Variants in MYOF observed in about 807,000 individuals in gnomAD.
MYOF encodes fer-1-like 3, myoferlin.
MYOF carries 244 observed loss-of-function variants against 284.2 expected under a neutral mutation model. The observed-to-expected ratio is 0.86, with a 90% confidence interval of 0.77 to 0.95. The LOEUF is 0.95. MYOF is among the 40% of genes least tolerant of loss of function. The probability of loss-of-function intolerance (pLI) is 0.00; values close to 1 mark genes in which losing one functional copy is unlikely to be tolerated. For missense variants in MYOF, 2,496 were observed against 2,560.6 expected, an observed-to-expected ratio of 0.97 and a Z score of 0.54; for synonymous variants, 904 against 919.7, an observed-to-expected ratio of 0.98 and a Z score of 0.31.
At chr10:93,380,230 G>A (rs368923035) in intron 20 of MYOF, among the ~76,000 whole-genome samples, 38 of 152,264 alleles carry the variant, frequency 2.5e-4, no homozygotes, top group African/African-American at 8.4e-4. Context: ...TCTCAGGATC[G>A]TTTAGTGATT....
chr10:93,329,766 G>C lies in MYOF; in HGVS notation c.4880C>G (p.Thr1627Ser). The C allele has an allele frequency of 1.2e-6, 2 of 1,614,186 alleles. No homozygotes were observed. Among genetic ancestry groups the C allele is most frequent in the South Asian group, 2.2e-5 (2 of 91,082 alleles). Reference protein sequence around the residue: ...DLKISVYDYDTFTRDEKVGET... With the variant: ...DLKISVYDYDSFTRDEKVGET... ...TCCTACTTTTTCATCCCGGGTAAAG[G>C]TGTCATAATCATAGACAGAAATTTT... The change falls in exon 44 of 54, where the codon ACC (threonine) becomes AGC (serine). Residue 1627 changes from threonine (T) to serine (S), a missense_variant. This residue lies in a region of MYOF where 2,436 missense variants were observed against 2,480.7 expected (regional missense o/e 0.98). Coordinates refer to ENST00000359263, the MANE Select transcript of MYOF (RefSeq NM_013451.4).
At chr10:93,325,368 T>C (rs1462420971) in intron 46 of MYOF, among the ~76,000 whole-genome samples, 1 of 152,150 alleles carries the variant, frequency 6.6e-6, no homozygotes, top group Non-Finnish European at 1.5e-5. Context: ...CGGGCCGAGC[T>C]CAATCACTTT....
intron 5 of MYOF, among the ~76,000 whole-genome samples, chr10:93,413,445 T>C (rs1847986852): frequency 6.6e-6 from 1 of 152,202 alleles, no homozygotes; most frequent in Admixed American, 6.5e-5. Context: ...TATGGCACTG[T>C]TAAACACACC....
At chr10:93,343,396 G>C (rs1048141032) in intron 38 of MYOF, among the ~76,000 whole-genome samples, 3 of 152,152 alleles carry the variant, frequency 2.0e-5, no homozygotes, top group Admixed American at 6.5e-5. Context: ...TTATGTAGGG[G>C]GAAGAATCTG....
At chr10:93,425,156 G>A (rs998821392) in intron 5 of MYOF, among the ~76,000 whole-genome samples, 1 of 151,912 alleles carries the variant, frequency 6.6e-6, no homozygotes, top group Non-Finnish European at 1.5e-5. Context: ...GGCCAGGCTG[G>A]TCTCGAACTC....
chr10:93,423,953 AG>A (rs1200936201), intron 5 of MYOF, among the ~76,000 whole-genome samples: 1 of 152,162 alleles, frequency 6.6e-6, no homozygotes, highest in East Asian at 1.9e-4. Context: ...ACACACAGGT[AG>A]AACACCATGT....
intron 44 of MYOF, 36 bp from the exon 45 acceptor site, chr10:93,328,947 G>C: frequency 6.4e-7 from 1 of 1,565,864 alleles, no homozygotes. Context: ...AGTTACGGAG[G>C]AGCCTGCAGG....
At chr10:93,340,887 A>C (rs1389340672) in intron 38 of MYOF, among the ~76,000 whole-genome samples, 1 of 152,134 alleles carries the variant, frequency 6.6e-6, no homozygotes, top group Non-Finnish European at 1.5e-5. Context: ...GCTCGTCCTC[A>C]GCAGCAGTTT....
intron 18 of MYOF, 65 bp downstream of exon 18, chr10:93,388,965 A>G: frequency 4.5e-6 from 7 of 1,563,134 alleles, no homozygotes; most frequent in Non-Finnish European, 5.2e-6. Context: ...TTGATCAGAC[A>G]TTATAAGAAG....
At position 93,306,818 on chromosome 10, in the gene MYOF, C is replaced by A; in HGVS notation, c.*145G>T. The A allele has an allele frequency of 1.2e-6, 1 of 815,280 alleles. No homozygotes were observed. Among genetic ancestry groups the A allele is most frequent in the South Asian group, 1.6e-5 (1 of 61,626 alleles). 50.5% of individuals were successfully genotyped at this position (815,280 alleles called of 1,614,324 possible). A position where few individuals can be genotyped will look rare whatever the true frequency, so the allele number is the denominator to read the frequency against. On this transcript the variant is annotated 3_prime_UTR_variant, in exon 54 of 54. Coordinates refer to ENST00000359263, the MANE Select transcript of MYOF (RefSeq NM_013451.4). The stretch of plus-strand genomic sequence containing the variant: ...TGGCCTGACTTTCCAGGACTAAGAC[C>A]CTCTGGGAATCAATGGGGCTCGGTG...
At chr10:93,469,853 C>T (rs1329870502) in intron 1 of MYOF, among the ~76,000 whole-genome samples, 1 of 152,188 alleles carries the variant, frequency 6.6e-6, no homozygotes, top group Non-Finnish European at 1.5e-5. Context: ...AGGCATTTCA[C>T]CCACTCTACC....
intron 2 of MYOF, 73 bp downstream of exon 2, chr10:93,456,809 C>T (rs2056755293): frequency 1.8e-6 from 2 of 1,114,576 alleles, no homozygotes; most frequent in Admixed American, 4.1e-5. Context: ...GAAGAGGTAA[C>T]CTCTCACCCA....
At chr10:93,428,420 GGT>G (rs1469029094) in intron 4 of MYOF, among the ~76,000 whole-genome samples, 1 of 151,484 alleles carries the variant, frequency 6.6e-6, no homozygotes, top group Non-Finnish European at 1.5e-5. Context: ...TGGCCAGGCT[GGT>G]CTCAAACTCC....
At chr10:93,334,644 G>T (rs150007516) in intron 41 of MYOF, among the ~76,000 whole-genome samples, 283 of 152,214 alleles carry the variant, frequency 1.9e-3, no homozygotes, top group African/African-American at 6.2e-3. Flanking sequence ...TGCTGGAGAG[G>T]CCACATATTT....
At chr10:93,365,593 C>T (rs80077009) in intron 26 of MYOF, among the ~76,000 whole-genome samples, 15 of 152,288 alleles carry the variant, frequency 9.8e-5, no homozygotes, top group African/African-American at 3.4e-4. Flanking sequence ...AAGCAATGTG[C>T]CTTTGGACAA....
chr10:93,354,004 T>C, intron 31 of MYOF, 116 bp from the exon 32 acceptor site: 1 of 757,096 alleles, frequency 1.3e-6, no homozygotes, highest in Non-Finnish European at 2.1e-6. Flanking sequence ...GAATCTATTA[T>C]AGTTCCCCAC....
chr10:93,349,616 T>C (rs1277837447), intron 36 of MYOF, among the ~76,000 whole-genome samples, 192 bp downstream of exon 36: 4 of 152,224 alleles, frequency 2.6e-5, no homozygotes, highest in African/African-American at 4.8e-5. Flanking sequence ...TGGAGTTATT[T>C]TGAAGCTTTA....
intron 25 of MYOF, among the ~76,000 whole-genome samples, chr10:93,369,271 G>GT (rs1049808717): frequency 6.6e-6 from 1 of 151,974 alleles, no homozygotes; most frequent in African/African-American, 2.4e-5. Flanking sequence ...GTGTGTGTGT[G>GT]TGTGTATACT....
Position 93,451,947 on chromosome 10 carries a change from T to C in MYOF, c.236+103A>G, listed in dbSNP as rs1022758878. 1.1e-5 allele frequency: 9 copies of C among 852,656 alleles called. 1 individual carries two copies. Among genetic ancestry groups the C allele is most frequent in the Middle Eastern group, 3.5e-4 (1 of 2,836 alleles). The allele number at this position is 852,656 out of a possible 1,614,324, so 52.8% of individuals were successfully genotyped here. ...GCATGGAATTAAAGCACATTTATAT[T>C]GGAAGTATTATAATACGTTATTAAA... is the stretch of plus-strand genomic sequence containing the variant. On this transcript the variant is annotated intron_variant, in intron 3 of 53. Coordinates refer to ENST00000359263, the MANE Select transcript of MYOF (RefSeq NM_013451.4).
Sources: allele counts gnomAD v4.1 joint callset (sites outside exome capture counted in the v4.1 genomes callset), GRCh38; gene constraint gnomAD v4.1.1; regional missense constraint gnomAD v4.1.1; transcripts MANE v1.5; gene names NCBI Gene and HGNC (gene_info 2026-07-23, HGNC 2026-07-21).